Variants in ANKH observed in about 807,000 individuals in gnomAD.
The protein encoded by ANKH is ANKH inorganic pyrophosphate transport regulator.
Under a neutral mutation model 49.0 loss-of-function variants are expected in ANKH, and 15 were observed. The observed-to-expected ratio is 0.31, with a 90% CI of 0.20 to 0.47. The LOEUF (loss-of-function observed/expected upper bound fraction) is 0.47, where lower values mean the gene tolerates loss of function less well. Among genes scored for constraint, ANKH ranks in the 20% least tolerant of loss-of-function variants. ANKH has a pLI of 1.00. For synonymous variants in ANKH, 273 were observed against 260.0 expected (o/e 1.05, Z -0.48); for missense variants, 429 against 652.0 (o/e 0.66, Z 3.72).
At chr5:14,843,707 C>G (rs1741878711) in intron 1 of ANKH, among the ~76,000 whole-genome samples, 1 of 152,078 alleles carries the variant, frequency 6.6e-6, no homozygotes. Flanking sequence ...CTCCTATTAC[C>G]TCGCCCTAAC....
chr5:14,739,076 A>C (rs1738273336), intron 8 of ANKH, among the ~76,000 whole-genome samples: 1 of 152,198 alleles, frequency 6.6e-6, no homozygotes, highest in Non-Finnish European at 1.5e-5. Context: ...AAGAGACAGA[A>C]TAAGGTGAGT....
chr5:14,723,041 ACTC>A (rs1384127138), intron 8 of ANKH, among the ~76,000 whole-genome samples: 3 of 151,782 alleles, frequency 2.0e-5, no homozygotes, highest in African/African-American at 7.3e-5. Flanking sequence ...CCCGACCAGA[ACTC>A]CTCAAAACCG....
chr5:14,809,851 C>T (rs189676548), intron 1 of ANKH, among the ~76,000 whole-genome samples: 124 of 152,174 alleles, frequency 8.1e-4, no homozygotes, highest in African/African-American at 2.8e-3. Context: ...AGCCCCGTCT[C>T]GGTGTGACCC....
intron 1 of ANKH, among the ~76,000 whole-genome samples, chr5:14,793,602 C>T (rs1015182106): frequency 3.3e-5 from 5 of 152,294 alleles, no homozygotes; most frequent in Admixed American, 2.6e-4. Context: ...GGACAAGCAG[C>T]CAGGCCGGGA....
intron 1 of ANKH, among the ~76,000 whole-genome samples, chr5:14,807,538 C>T (rs1561064636): frequency 1.3e-5 from 2 of 152,170 alleles, no homozygotes; most frequent in Non-Finnish European, 1.5e-5. Flanking sequence ...GCTGTGAGAA[C>T]GGTAAACCTA....
intron 9 of ANKH, 100 bp downstream of exon 9, chr5:14,716,606 T>TA (rs1737471856): frequency 6.5e-7 from 1 of 1,534,934 alleles, no homozygotes. Flanking sequence ...AGTGAAATTT[T>TA]ACATTTGTGT....
intron 1 of ANKH, among the ~76,000 whole-genome samples, chr5:14,828,505 C>T (rs867541701): frequency 6.6e-6 from 1 of 152,104 alleles, no homozygotes; most frequent in African/African-American, 2.4e-5. Context: ...CCCACCTGGG[C>T]AACAGAGACT....
At chr5:14,767,020 A>G (rs1739277929) in intron 2 of ANKH, among the ~76,000 whole-genome samples, 1 of 152,206 alleles carries the variant, frequency 6.6e-6, no homozygotes, top group South Asian at 2.1e-4. Context: ...AAATGGGTGT[A>G]AGCGTCAAAT....
At chr5:14,867,847 A>G (rs1420850754) in intron 1 of ANKH, among the ~76,000 whole-genome samples, 1 of 152,186 alleles carries the variant, frequency 6.6e-6, no homozygotes, top group Non-Finnish European at 1.5e-5. Context: ...TATGGTGCCT[A>G]TGTTTAATAT....
At chr5:14,871,178 G>A (rs768219892) in intron 1 of ANKH, 174 bp downstream of exon 1, 46 of 685,398 alleles carry the variant, frequency 6.7e-5, no homozygotes, top group African/African-American at 4.2e-4. Flanking sequence ...ATAATTGAGG[G>A]GAGGGAGGGA....
chr5:14,748,346 T>G (rs1045733581), intron 6 of ANKH, among the ~76,000 whole-genome samples: 16 of 152,220 alleles, frequency 1.1e-4, no homozygotes, highest in African/African-American at 3.9e-4. Context: ...TGGCAGGCAC[T>G]CTGGCTGGAG....
At chr5:14,791,500 C>T (rs1740164200) in intron 1 of ANKH, among the ~76,000 whole-genome samples, 1 of 152,102 alleles carries the variant, frequency 6.6e-6, no homozygotes, top group Non-Finnish European at 1.5e-5. Flanking sequence ...TTCTTAGCTT[C>T]GTTTTCTTTT....
chr5:14,783,618 G>A (rs767324261), intron 1 of ANKH, among the ~76,000 whole-genome samples: 1 of 152,154 alleles, frequency 6.6e-6, no homozygotes, highest in East Asian at 1.9e-4. Context: ...AGTCAACAGT[G>A]TCACTGGTTG....
intron 8 of ANKH, among the ~76,000 whole-genome samples, chr5:14,719,391 G>A (rs1033539626): frequency 6.6e-6 from 1 of 152,208 alleles, no homozygotes; most frequent in African/African-American, 2.4e-5. Context: ...GCCATGGAGT[G>A]GAAAAGAGCA....
chr5:14,844,285 A>G (rs1050932694), intron 1 of ANKH, among the ~76,000 whole-genome samples: 5 of 152,178 alleles, frequency 3.3e-5, no homozygotes, highest in South Asian at 2.1e-4. Flanking sequence ...AGGCATGCTT[A>G]TTTTCTAAAA....
At chr5:14,783,202 G>A (rs1245509226) in intron 1 of ANKH, among the ~76,000 whole-genome samples, 2 of 151,792 alleles carry the variant, frequency 1.3e-5, no homozygotes, top group Non-Finnish European at 2.9e-5. Context: ...CAGTCTCACT[G>A]AGCCATTTGT....
intron 8 of ANKH, among the ~76,000 whole-genome samples, chr5:14,730,977 C>T (rs867676445): frequency 5.3e-5 from 8 of 152,188 alleles, no homozygotes; most frequent in Admixed American, 2.6e-4. Context: ...GATAAGGAAG[C>T]ACCTGCCTGC....
chr5:14,751,315 T>G, intron 4 of ANKH, 76 bp from the exon 5 acceptor site: 1 of 1,466,290 alleles, frequency 6.8e-7, no homozygotes, highest in Non-Finnish European at 9.5e-7. Context: ...GGGCACGCTC[T>G]TGAACCTGAG....
intron 7 of ANKH, among the ~76,000 whole-genome samples, chr5:14,742,187 C>T (rs911758869): frequency 6.6e-6 from 1 of 152,166 alleles, no homozygotes; most frequent in Non-Finnish European, 1.5e-5. Context: ...CCTGGGCAGC[C>T]CATCTTGCCC....
Sources: allele counts gnomAD v4.1 joint callset (sites outside exome capture counted in the v4.1 genomes callset), GRCh38; gene constraint gnomAD v4.1.1; transcripts MANE v1.5; gene names NCBI Gene and HGNC (gene_info 2026-07-23, HGNC 2026-07-21).